Variants in PRR16 observed in about 807,000 individuals in gnomAD.
PRR16 encodes the protein protein Largen.
Under a neutral mutation model 18.2 loss-of-function variants are expected in PRR16, and 6 were observed. The observed-to-expected ratio is 0.33, with a 90% CI of 0.18 to 0.65. PRR16 has a LOEUF of 0.65. PRR16 is among the 30% of genes least tolerant of loss of function. The pLI is 0.74. For synonymous variants in PRR16, 151 were observed against 147.8 expected (o/e 1.02, Z -0.16); for missense variants, 412 against 376.6 (o/e 1.09, Z -0.78).
chr5:120,697,658 G>A, the PRR16 span, among the ~76,000 whole-genome samples: 1 of 152,120 alleles, frequency 6.6e-6, no homozygotes, highest in African/African-American at 2.4e-5. Context: ...AGCGAAGGGA[G>A]ATAAGGGTGG....
At chr5:120,786,258 A>G in the PRR16 span, among the ~76,000 whole-genome samples, 1 of 151,658 alleles carries the variant, frequency 6.6e-6, no homozygotes, top group East Asian at 1.9e-4. Context: ...TAAAAATAAA[A>G]ATTACCCTGG....
chr5:120,754,386 A>T, the PRR16 span, among the ~76,000 whole-genome samples: 16 of 27,328 alleles, frequency 5.9e-4, no homozygotes, highest in African/African-American at 1.1e-3. Context: ...TAACATATAT[A>T]TTATATGTTA....
At position 120,634,867 on chromosome 5, in the gene PRR16, G is replaced by A. The variant is rs371118973; in HGVS notation, c.160-51087G>A. ...AAAAGATAAAATTGGTAGACCATTA[G>A]CAAGATTCACCAAGAAAAGAAGAGA... is the stretch of plus-strand genomic sequence containing the variant. On this transcript the variant is annotated intron_variant, in intron 1 of 1. Transcript: ENST00000407149. Among the ~76,000 whole-genome samples the A allele has an allele frequency of 1.9e-4, 29 of 152,126 alleles. No homozygotes were observed. The South Asian group carries it at 6.0e-3, about 32-fold the overall frequency.
chr5:120,571,663 G>C (rs1752911118), intron 1 of PRR16, among the ~76,000 whole-genome samples: 1 of 152,116 alleles, frequency 6.6e-6, no homozygotes, highest in Non-Finnish European at 1.5e-5. Context: ...ATCTAAGAGA[G>C]GCATGCAGGT....
At chr5:120,639,788 G>A (rs1173177605) in intron 1 of PRR16, among the ~76,000 whole-genome samples, 1 of 151,360 alleles carries the variant, frequency 6.6e-6, no homozygotes, top group Admixed American at 6.6e-5. Context: ...CCAAATACTA[G>A]ATACATACCC....
At chr5:120,786,349 T>G in the PRR16 span, among the ~76,000 whole-genome samples, 2 of 151,836 alleles carry the variant, frequency 1.3e-5, no homozygotes, top group South Asian at 4.1e-4. Flanking sequence ...TTGCCTATAA[T>G]AAGAATAAAG....
At chr5:120,718,425 C>A in the PRR16 span, among the ~76,000 whole-genome samples, 3 of 152,034 alleles carry the variant, frequency 2.0e-5, no homozygotes, top group African/African-American at 7.2e-5. Context: ...TATTTCAACT[C>A]CCTTGACAAT....
chr5:120,605,428 GT>G (rs944709896), intron 1 of PRR16, among the ~76,000 whole-genome samples: 4 of 152,104 alleles, frequency 2.6e-5, no homozygotes, highest in African/African-American at 9.7e-5. Flanking sequence ...TGCTTGAATT[GT>G]TTTACTGATT....
intron 1 of PRR16, among the ~76,000 whole-genome samples, chr5:120,525,494 ATATAT>A (rs1751317351): frequency 6.6e-6 from 1 of 152,042 alleles, no homozygotes; most frequent in Non-Finnish European, 1.5e-5. Context: ...CTATAAATAA[ATATAT>A]TAAATAGAAG....
chr5:120,771,751 A>T, the PRR16 span, among the ~76,000 whole-genome samples: 1 of 152,056 alleles, frequency 6.6e-6, no homozygotes, highest in Non-Finnish European at 1.5e-5. Context: ...GCACTGCTTA[A>T]ATGCTGAAAT....
chr5:120,736,360 G>C, the PRR16 span, among the ~76,000 whole-genome samples: 1 of 152,120 alleles, frequency 6.6e-6, no homozygotes, highest in Middle Eastern at 3.4e-3. Context: ...TGTCTCCCGG[G>C]TTCAAGTGAT....
intron 1 of PRR16, among the ~76,000 whole-genome samples, chr5:120,537,259 A>G (rs1751747891): frequency 6.6e-6 from 1 of 152,242 alleles, no homozygotes; most frequent in Admixed American, 6.5e-5. Flanking sequence ...GAATTTGAAT[A>G]CATGGAAAAT....
intron 1 of PRR16, among the ~76,000 whole-genome samples, chr5:120,473,504 T>G (rs1749336836): frequency 6.6e-6 from 1 of 152,212 alleles, no homozygotes; most frequent in Non-Finnish European, 1.5e-5. Flanking sequence ...GACAGTGTTA[T>G]GTGCAGTATA....
chr5:120,732,782 G>C, the PRR16 span, among the ~76,000 whole-genome samples: 2 of 152,128 alleles, frequency 1.3e-5, no homozygotes, highest in African/African-American at 4.8e-5. Context: ...ATCTAGACCA[G>C]TACAGTGGCA....
chr5:120,628,849 G>T (rs1239815470), intron 1 of PRR16, among the ~76,000 whole-genome samples: 2 of 151,964 alleles, frequency 1.3e-5, no homozygotes, highest in African/African-American at 4.8e-5. Flanking sequence ...AAACACATAT[G>T]TAACTCCTGA....
At chr5:120,666,265 T>C (rs1756373255) in intron 1 of PRR16, among the ~76,000 whole-genome samples, 1 of 152,230 alleles carries the variant, frequency 6.6e-6, no homozygotes, top group Non-Finnish European at 1.5e-5. Context: ...TGTTTGCCTG[T>C]TATTGGTGTA....
the PRR16 span, among the ~76,000 whole-genome samples, chr5:120,716,813 A>G: frequency 6.6e-6 from 1 of 152,198 alleles, no homozygotes; most frequent in African/African-American, 2.4e-5. Flanking sequence ...CGGAGATTGC[A>G]GTGAGCTGAG....
At position 120,686,728 on chromosome 5, in the gene PRR16, TTG is replaced by T. The variant is rs760474549; in HGVS notation, c.*21_*22del. ...CGTGTGATGTATGCCATTAAAAAAA[TTG>T]TTTTTTTAATTTTCTATATTATAAA... On this transcript the variant is annotated 3_prime_UTR_variant, in exon 2 of 2. Coordinates refer to ENST00000407149, the MANE Select transcript of PRR16 (RefSeq NM_001300783.2). The T allele has an allele frequency of 1.9e-5, 28 of 1,442,726 alleles. 1 individual carries two copies. The Admixed American group carries it at 3.2e-4, about 16-fold the overall frequency. The allele number at this position is 1,442,726 out of a possible 1,614,324, so 89.4% of individuals were successfully genotyped here. A position where few individuals can be genotyped will look rare whatever the true frequency, so the allele number is the denominator to read the frequency against.
chr5:120,609,930 A>G (rs1754281081), intron 1 of PRR16, among the ~76,000 whole-genome samples: 1 of 152,138 alleles, frequency 6.6e-6, no homozygotes, highest in Non-Finnish European at 1.5e-5. Flanking sequence ...CTGAAGTGCT[A>G]GTCTCTTTGG....
Sources: allele counts gnomAD v4.1 joint callset (sites outside exome capture counted in the v4.1 genomes callset), GRCh38; gene constraint gnomAD v4.1.1; transcripts MANE v1.5; gene names NCBI Gene and HGNC (gene_info 2026-07-23, HGNC 2026-07-21).